The following ZNF101 variants were observed in gnomAD, a reference collection of about 807,000 sequenced individuals.
The protein encoded by ZNF101 is zinc finger protein 101, also known as zinc finger protein 101 (Y2).
In ZNF101, 34 loss-of-function variants were observed where a neutral mutation model predicts 42.6. The ratio of observed to expected loss-of-function variants is 0.80; its 90% CI spans 0.61 to 1.06. The LOEUF is 1.06. Among genes scored for constraint, ZNF101 ranks in the 50% least tolerant of loss-of-function variants. The pLI is 0.00. For missense variants in ZNF101, 466 were observed against 530.9 expected (o/e 0.88, Z 1.20); for synonymous variants, 158 against 183.9 (o/e 0.86, Z 1.14).
Position 19,670,007 on chromosome 19 carries a change from T to C in ZNF101, c.3+1041T>C, listed in dbSNP as rs531071090. On this transcript the variant is annotated intron_variant, in intron 1 of 3. Coordinates refer to ENST00000592502, the MANE Select transcript of ZNF101 (RefSeq NM_033204.4). ...TTGGGTGGAGGCTTCTCTTGGGAAC[T>C]TCACAGGGTATTGGGTCCTCAGCCC... Among the ~76,000 whole-genome samples the C allele has an allele frequency of 2.6e-5, 4 of 152,208 alleles. No homozygotes were observed. In the South Asian group the frequency reaches 8.3e-4, roughly 32 times the overall value.
At position 19,679,270 on chromosome 19, in the gene ZNF101, A is replaced by C; in HGVS notation, c.281A>C (p.Lys94Thr). The part of the protein sequence containing the change: ...SQIPDCHLNK[K>T]SQTGVKPCKC... ...ATTCCTGATTGTCACCTGAACAAGA[A>C]AAGTCAAACTGGAGTGAAACCATGC... Residue 94 changes from lysine to threonine, a missense_variant, in exon 4 of 4, where the codon AAA becomes ACA. Coordinates refer to ENST00000592502, the MANE Select transcript of ZNF101 (RefSeq NM_033204.4). The C allele has an allele frequency of 6.2e-7, 1 of 1,614,232 alleles. No homozygotes were observed. The highest frequency in any genetic ancestry group is 1.6e-4 in the Middle Eastern group (1 of 6,062).
At chr19:19,675,360 A>T (rs1448658873) in intron 1 of ZNF101, among the ~76,000 whole-genome samples, 2 of 149,798 alleles carry the variant, frequency 1.3e-5, no homozygotes, top group East Asian at 2.0e-4. Flanking sequence ...CCTGTCTCGA[A>T]CTCCTGACTT....
intron 1 of ZNF101, among the ~76,000 whole-genome samples, 198 bp downstream of exon 1, chr19:19,669,164 C>G (rs773632858): frequency 6.6e-6 from 1 of 152,204 alleles, no homozygotes; most frequent in Non-Finnish European, 1.5e-5. Context: ...GTCCCGGCCC[C>G]GGAGCCCTCT....
upstream of ZNF101, among the ~76,000 whole-genome samples, chr19:19,668,333 A>G (rs2062144803): frequency 6.6e-6 from 1 of 152,058 alleles, no homozygotes. Context: ...TCGGGGGTGC[A>G]GGTGTCCTGA....
intron 2 of ZNF101, 98 bp from the exon 3 acceptor site, chr19:19,678,628 A>AG (rs2145057324): frequency 9.2e-7 from 1 of 1,089,350 alleles, no homozygotes; most frequent in East Asian, 2.7e-5. Flanking sequence ...AAAAAAAAAA[A>AG]AATCAGGCAT....
intron 1 of ZNF101, among the ~76,000 whole-genome samples, chr19:19,674,104 T>C (rs1402087076): frequency 6.6e-6 from 1 of 151,686 alleles, no homozygotes; most frequent in African/African-American, 2.4e-5. Context: ...TTCAATTCTT[T>C]TTGGTGCTAT....
In ZNF101 at chr19:19,679,789, A is replaced by G; in HGVS notation, c.800A>G (p.Tyr267Cys). 6.2e-7 allele frequency: 1 copy of G among 1,613,268 alleles called. No homozygotes were observed. Among genetic ancestry groups the G allele is most frequent in the Non-Finnish European group, 8.5e-7 (1 of 1,179,466 alleles). ...GGTAAAGCCTTCATTTCCGCAGGTT[A>G]CCTTCGGACACATGAAATCAGATCT... The part of the protein sequence containing the change: ...QCGKAFISAG[Y>C]LRTHEIRSHA... Residue 267 changes from tyrosine (Y) to cysteine (C), a missense_variant, in exon 4 of 4, where the codon TAC becomes TGC. Transcript: ENST00000592502.
At chr19:19,675,563 A>C (rs778272600) in intron 1 of ZNF101, among the ~76,000 whole-genome samples, 19 of 152,148 alleles carry the variant, frequency 1.2e-4, no homozygotes, top group South Asian at 2.1e-4. Flanking sequence ...CAGTTATATA[A>C]TTTACTGAAG....
chr19:19,671,459 G>A (rs1037203715), intron 1 of ZNF101, among the ~76,000 whole-genome samples: 6 of 151,592 alleles, frequency 4.0e-5, no homozygotes, highest in Admixed American at 2.0e-4. Context: ...ATTTCCCAGA[G>A]TTGCTGCCCG....
At position 19,677,874 on chromosome 19, in the gene ZNF101, C is replaced by A; in HGVS notation, c.14C>A (p.Ala5Asp). The A allele has an allele frequency of 1.2e-6, 2 of 1,611,486 alleles. No individual in the cohort carries two copies. Among genetic ancestry groups the A allele is most frequent in the Non-Finnish European group, 1.7e-6 (2 of 1,178,412 alleles). Residue 5 changes from alanine (A) to aspartate (D), a missense_variant, in exon 2 of 4, where the codon GCC (alanine) becomes GAC (aspartate). By Grantham distance (126) the Ala-to-Asp change is moderately radical (BLOSUM62 -2). Transcript: ENST00000592502. MDSV[A>D]FEDVAVNFTQ... ...TGTGGGATGTTTCAGGACTCAGTGG[C>A]CTTTGAGGATGTGGCTGTGAACTTC...
In ZNF101 at chr19:19,682,165, C is replaced by T. The variant is rs1045066737; in HGVS notation, c.*1865C>T. ...GTCTCAGACTCCTGACCTTGTGATC[C>T]GCCCTCCTTGGCCTCCCAAAGTGCT... On this transcript the variant is annotated 3_prime_UTR_variant, in exon 4 of 4. Coordinates refer to ENST00000592502, the MANE Select transcript of ZNF101 (RefSeq NM_033204.4). 6.6e-6 allele frequency: 1 copy of T among 150,948 alleles called. No homozygotes were observed. The highest frequency in any genetic ancestry group is 1.5e-5 in the Non-Finnish European group (1 of 67,852). 9.4% of individuals were successfully genotyped at this position (150,948 alleles called of 1,614,324 possible).
intron 1 of ZNF101, among the ~76,000 whole-genome samples, chr19:19,674,900 A>C (rs901517664): frequency 1.3e-5 from 2 of 151,994 alleles, no homozygotes; most frequent in African/African-American, 4.8e-5. Flanking sequence ...GGCTCACTGC[A>C]ACCTCTGCCT....
Position 19,669,832 on chromosome 19 carries a change from T to G in ZNF101, c.3+866T>G, listed in dbSNP as rs373889850. On this transcript the variant is annotated intron_variant, in intron 1 of 3. Transcript: ENST00000592502. ...TTTTCCAAGGAGCCCTAGATGGCAC[T>G]TCTTAAAAAGTTCATTTTCCGTTTG... is the stretch of plus-strand genomic sequence containing the variant. Among the ~76,000 whole-genome samples, 30 of 152,254 alleles carry G rather than the reference T, an allele frequency of 2.0e-4. No homozygotes were observed. The South Asian group carries it at 6.0e-3, about 31-fold the overall frequency.
In ZNF101 at chr19:19,680,316, C is replaced by T; in HGVS notation, c.*16C>T. 3 of 1,389,314 alleles carry T rather than the reference C, an allele frequency of 2.2e-6. No homozygotes were observed. Among genetic ancestry groups the T allele is most frequent in the Non-Finnish European group, 2.9e-6 (3 of 1,041,088 alleles). The allele number at this position is 1,389,314 out of a possible 1,614,324, so 86.1% of individuals were successfully genotyped here. On this transcript the variant is annotated 3_prime_UTR_variant, in exon 4 of 4. Transcript: ENST00000592502. ...AGGAGTTTGAGACCAGCCTGGGCAA[C>T]ATAAGAAGGCCCCATATCGGCTGGG...
intron 1 of ZNF101, among the ~76,000 whole-genome samples, chr19:19,671,010 G>A (rs914929961): frequency 6.6e-6 from 1 of 152,234 alleles, no homozygotes; most frequent in African/African-American, 2.4e-5. Context: ...GGAGGCTGAG[G>A]CAGGAGAATG....
At chr19:19,678,403 G>T (rs920988511) in intron 2 of ZNF101, among the ~76,000 whole-genome samples, 3 of 151,644 alleles carry the variant, frequency 2.0e-5, no homozygotes, top group South Asian at 4.2e-4. Context: ...ATCACCTGAG[G>T]TCAAGAGTTT....
rs1284542590 is a variant in ZNF101 at position 19,678,782 on chromosome 19, C to T, written c.187C>T (p.Leu63=). 1.9e-6 allele frequency: 3 copies of T among 1,610,020 alleles called. No homozygotes were observed. Among genetic ancestry groups the T allele is most frequent in the African/African-American group, 2.7e-5 (2 of 74,662 alleles). The part of the protein sequence containing the change: ...ENLYQNLGIK[L]RSLVERLCGR... ...TCTGTACCAAAACCTGGGGATTAAGCTAAGGTAATCTCCACTCACAAGAGG... is the reference window on the plus strand; with the variant it reads ...TCTGTACCAAAACCTGGGGATTAAGTTAAGGTAATCTCCACTCACAAGAGG... Residue 63 remains leucine, a synonymous_variant, in exon 3 of 4, where the codon CTA becomes TTA. Transcript: ENST00000592502.
chr19:19,675,840 C>G (rs553068262), intron 1 of ZNF101, among the ~76,000 whole-genome samples: 50 of 152,202 alleles, frequency 3.3e-4, no homozygotes, highest in Non-Finnish European at 6.2e-4. Context: ...GAGAGCCTAT[C>G]TCTACAAAAA....
rs74181150 is a variant in ZNF101, at chr19:19,680,784, G to A, written c.*484G>A. The stretch of plus-strand genomic sequence containing the variant: ...AAAATACAAAAATTAGCCAGGCGTG[G>A]TGGTGTGTGCCTGTAGTCCCAGCTA... On this transcript the variant is annotated 3_prime_UTR_variant, in exon 4 of 4. Coordinates refer to ENST00000592502, the MANE Select transcript of ZNF101 (RefSeq NM_033204.4). 0.049 allele frequency: 7,389 copies of A among 152,240 alleles called. 258 individuals are homozygous for A. The highest frequency in any genetic ancestry group is 0.17 in the East Asian group (870 of 5,166). 9.4% of individuals were successfully genotyped at this position (152,240 alleles called of 1,614,324 possible).
Sources: allele counts gnomAD v4.1 joint callset (sites outside exome capture counted in the v4.1 genomes callset), GRCh38; gene constraint gnomAD v4.1.1; transcripts MANE v1.5; gene names NCBI Gene and HGNC (gene_info 2026-07-23, HGNC 2026-07-21).